The following DOCK4 variants were observed in gnomAD, a reference collection of about 807,000 sequenced individuals.
DOCK4 encodes dedicator of cytokinesis 4.
Under a neutral mutation model 268.1 loss-of-function variants are expected in DOCK4, and 97 were observed. The ratio of observed to expected loss-of-function variants is 0.36; its 90% CI spans 0.31 to 0.43. DOCK4 has a LOEUF of 0.43. Among genes scored for constraint, DOCK4 ranks in the 20% least tolerant of loss-of-function variants. The pLI is 1.00. For missense variants in DOCK4, 2,145 were observed against 2,455.7 expected (o/e 0.87, Z 2.67); for synonymous variants, 954 against 887.2 (o/e 1.08, Z -1.34).
intron 10 of DOCK4, among the ~76,000 whole-genome samples, chr7:111,943,422 G>A (rs903837711): frequency 2.0e-5 from 3 of 152,124 alleles, no homozygotes; most frequent in African/African-American, 7.2e-5. Flanking sequence ...AGAAAGTTCT[G>A]AAAGCAAAAG....
At chr7:112,028,072 G>A (rs1284526388) in intron 1 of DOCK4, among the ~76,000 whole-genome samples, 2 of 152,146 alleles carry the variant, frequency 1.3e-5, no homozygotes, top group African/African-American at 2.4e-5. Context: ...TTTAAATGAC[G>A]AAAAGGATAG....
intron 40 of DOCK4, 109 bp downstream of exon 40, chr7:111,760,072 G>A (rs566360477): frequency 1.6e-5 from 21 of 1,350,432 alleles, no homozygotes; most frequent in Non-Finnish European, 2.1e-5. Flanking sequence ...GAGCAGTAAC[G>A]ATGTGGCTAT....
chr7:111,964,103 G>C (rs1387150974), intron 8 of DOCK4, among the ~76,000 whole-genome samples: 2 of 148,456 alleles, frequency 1.3e-5, no homozygotes, highest in Non-Finnish European at 3.0e-5. Context: ...CACAAAGATG[G>C]GGAAAAAAAC....
rs184551327 is a variant in DOCK4, at chr7:112,132,719, A to G, written c.37+73383T>C. ...TGGATATTGAAAGTATCCAATACAGAAAGTAGGAGGGAACATGGGACACAT... is the reference window on the plus strand; with the variant it reads ...TGGATATTGAAAGTATCCAATACAGGAAGTAGGAGGGAACATGGGACACAT... On this transcript the variant is annotated intron_variant, in intron 1 of 52. Transcript: ENST00000428084. 5.3e-4 allele frequency among the ~76,000 whole-genome samples: 81 copies of G among 152,260 alleles called. 1 individual carries two copies. The highest frequency in any genetic ancestry group is 9.8e-4 in the Admixed American group (15 of 15,296).
intron 1 of DOCK4, among the ~76,000 whole-genome samples, chr7:112,092,070 C>T (rs1809684611): frequency 1.3e-5 from 2 of 152,120 alleles, no homozygotes; most frequent in Admixed American, 1.3e-4. Flanking sequence ...TTAACAAACC[C>T]AGGACCACTT....
chr7:112,047,822 A>G (rs1029399583), intron 1 of DOCK4, among the ~76,000 whole-genome samples: 1 of 152,160 alleles, frequency 6.6e-6, no homozygotes, highest in Non-Finnish European at 1.5e-5. Context: ...CCATCTGAGT[A>G]GCTAGGACTG....
At chr7:111,978,833 T>C (rs1269886445) in intron 7 of DOCK4, among the ~76,000 whole-genome samples, 1 of 152,240 alleles carries the variant, frequency 6.6e-6, no homozygotes, top group Non-Finnish European at 1.5e-5. Context: ...CAGCCATTTC[T>C]TGGACCACAC....
intron 1 of DOCK4, among the ~76,000 whole-genome samples, chr7:112,171,446 C>T (rs1586968868): frequency 6.7e-6 from 1 of 150,128 alleles, no homozygotes. Context: ...TTTCCTTTAT[C>T]TTTTTTTTTC....
chr7:111,762,762 C>CTTTTT lies in DOCK4; in HGVS notation c.4020+2351_4020+2355dup, dbSNP rs869052136. ...TAAATAACCCATTTTGTTTTGTTTT[C>CTTTTT]TTTTTTTTTTTTTTTTTTTTTTTTG... On this transcript the variant is annotated intron_variant, in intron 39 of 52. Coordinates refer to ENST00000428084, the MANE Select transcript of DOCK4 (RefSeq NM_001363540.2). 9.7e-3 allele frequency among the ~76,000 whole-genome samples: 612 copies of CTTTTT among 63,014 alleles called. 97 individuals are homozygous for CTTTTT. The highest frequency in any genetic ancestry group is 0.012 in the Non-Finnish European group (409 of 33,324). The allele number at this position is 63,014 out of a possible 152,430, so 41.3% of individuals were successfully genotyped here. A position where few individuals can be genotyped will look rare whatever the true frequency, so the allele number is the denominator to read the frequency against.
chr7:111,757,079 G>A (rs1797071022), intron 41 of DOCK4, among the ~76,000 whole-genome samples: 1 of 152,052 alleles, frequency 6.6e-6, no homozygotes. Context: ...GCTTGCGAAA[G>A]GGCTTGGCGG....
Position 111,769,464 on chromosome 7 carries a change from G to T in DOCK4, c.3828+65C>A, listed in dbSNP as rs975937162. The T allele has an allele frequency of 1.8e-5, 28 of 1,581,112 alleles. No individual in the cohort carries two copies. In the East Asian group the frequency reaches 6.3e-4, roughly 36 times the overall value. On this transcript the variant is annotated intron_variant, in intron 37 of 52. Coordinates refer to ENST00000428084, the MANE Select transcript of DOCK4 (RefSeq NM_001363540.2). ...AGGTGGGCATTCATAAACTAGAAAT[G>T]AAAGGGAAAGGGACATCAACACCAT...
intron 7 of DOCK4, among the ~76,000 whole-genome samples, chr7:111,977,738 A>G (rs1277268036): frequency 1.3e-5 from 2 of 152,246 alleles, no homozygotes; most frequent in East Asian, 3.8e-4. Flanking sequence ...TCTAAGTTAT[A>G]ACTTCTCATT....
At chr7:111,822,065 A>G (rs530506437) in intron 27 of DOCK4, among the ~76,000 whole-genome samples, 3 of 152,330 alleles carry the variant, frequency 2.0e-5, no homozygotes, top group Middle Eastern at 6.8e-3. Context: ...TCTCTGTATA[A>G]AGGAACACTA....
intron 23 of DOCK4, among the ~76,000 whole-genome samples, chr7:111,861,745 C>CAAA (rs35987323): frequency 8.7e-6 from 1 of 114,606 alleles, no homozygotes; most frequent in African/African-American, 3.0e-5. Flanking sequence ...GACTCAGTCT[C>CAAA]AAAAAAAAAA....
At chr7:111,863,225 C>G in intron 23 of DOCK4, 147 bp downstream of exon 23, 1 of 784,720 alleles carries the variant, frequency 1.3e-6, no homozygotes, top group East Asian at 2.7e-5. Context: ...TATTTGACTA[C>G]TAAATACATT....
chr7:111,890,008 T>A (rs532298267), intron 16 of DOCK4, among the ~76,000 whole-genome samples: 1 of 152,316 alleles, frequency 6.6e-6, no homozygotes, highest in East Asian at 1.9e-4. Flanking sequence ...GTATTATTAC[T>A]ATTTTCTTAC....
chr7:111,820,519 AGT>A, intron 27 of DOCK4: 1 of 152,340 alleles, frequency 6.6e-6, no homozygotes, highest in East Asian at 1.9e-4. Context: ...AATTCTGAAC[AGT>A]GTGTGTTTAC....
At chr7:111,862,142 T>C (rs923936868) in intron 23 of DOCK4, among the ~76,000 whole-genome samples, 8 of 151,780 alleles carry the variant, frequency 5.3e-5, no homozygotes, top group Non-Finnish European at 1.0e-4. Context: ...CTACTAAAAA[T>C]ACAAAAATTA....
intron 34 of DOCK4, 134 bp downstream of exon 34, chr7:111,783,723 T>C: frequency 1.3e-6 from 1 of 768,700 alleles, no homozygotes; most frequent in Non-Finnish European, 2.1e-6. Context: ...TTCATTATCT[T>C]AGTATACCAG....
Sources: allele counts gnomAD v4.1 joint callset (sites outside exome capture counted in the v4.1 genomes callset), GRCh38; gene constraint gnomAD v4.1.1; transcripts MANE v1.5; gene names NCBI Gene and HGNC (gene_info 2026-07-23, HGNC 2026-07-21).